The following PLD5 variants were observed in gnomAD, a reference collection of about 807,000 sequenced individuals.
PLD5 encodes the protein phospholipase D family member 5.
A neutral mutation model predicts 61.1 loss-of-function variants in PLD5; 36 were observed. The observed-to-expected ratio is 0.59, with a 90% CI of 0.45 to 0.78. The LOEUF (loss-of-function observed/expected upper bound fraction) is 0.78. Among genes scored for constraint, PLD5 ranks in the 30% least tolerant of loss-of-function variants. The pLI is 0.00. For missense variants in PLD5, 515 were observed against 644.4 expected (o/e 0.80, Z 2.17); for synonymous variants, 243 against 242.8 (o/e 1.00, Z -0.01).
At chr1:242,447,316 G>A (rs2810036) in intron 1 of PLD5, among the ~76,000 whole-genome samples, 40,668 of 152,174 alleles carry the variant, frequency 0.27, 6,240 homozygotes, top group Non-Finnish European at 0.34. Context: ...ATGAGGTCAA[G>A]GAGAGTGTTT....
intron 5 of PLD5, among the ~76,000 whole-genome samples, chr1:242,131,681 C>G (rs188774574): frequency 6.6e-6 from 1 of 152,286 alleles, no homozygotes; most frequent in Non-Finnish European, 1.5e-5. Context: ...AAGTGAAGCA[C>G]TGGCAAGACT....
At chr1:242,312,564 T>C (rs946150452) in intron 2 of PLD5, among the ~76,000 whole-genome samples, 1 of 152,200 alleles carries the variant, frequency 6.6e-6, no homozygotes, top group Admixed American at 6.5e-5. Context: ...CCTTGTGATT[T>C]TCACAAGCCA....
chr1:242,401,873 A>G (rs539283984), intron 1 of PLD5, among the ~76,000 whole-genome samples: 1 of 152,328 alleles, frequency 6.6e-6, no homozygotes, highest in African/African-American at 2.4e-5. Context: ...TGTCCTGTTC[A>G]TCTGTGCATT....
intron 7 of PLD5, among the ~76,000 whole-genome samples, chr1:242,111,227 T>C (rs1212227209): frequency 6.6e-6 from 1 of 152,118 alleles, no homozygotes; most frequent in Non-Finnish European, 1.5e-5. Context: ...CAGCTAATTT[T>C]TGTACTTTTA....
chr1:242,385,578 A>G (rs958624324), intron 1 of PLD5, among the ~76,000 whole-genome samples: 1 of 151,866 alleles, frequency 6.6e-6, no homozygotes, highest in African/African-American at 2.4e-5. Context: ...CCCTCTCTCA[A>G]ACTGTCTTTT....
chr1:242,257,755 G>A (rs1673160992), intron 4 of PLD5, among the ~76,000 whole-genome samples: 1 of 152,020 alleles, frequency 6.6e-6, no homozygotes, highest in African/African-American at 2.4e-5. Context: ...TTACTTTTCA[G>A]ATAAAATCAA....
chr1:242,470,996 A>G (rs1667433968), intron 1 of PLD5, among the ~76,000 whole-genome samples: 1 of 152,198 alleles, frequency 6.6e-6, no homozygotes, highest in Admixed American at 6.5e-5. Flanking sequence ...AACACTGTAG[A>G]TCCCCTTCCA....
chr1:242,253,565 G>A (rs1454477517), intron 4 of PLD5, among the ~76,000 whole-genome samples: 1 of 151,536 alleles, frequency 6.6e-6, no homozygotes, highest in African/African-American at 2.4e-5. Context: ...TGCCCGCCTC[G>A]GTCTCCCAAA....
Position 242,394,931 on chromosome 1 carries a change from TTATATGAATATATATGATTA to T in PLD5, c.190-46709_190-46690del, listed in dbSNP as rs1176496089. On this transcript the variant is annotated intron_variant, in intron 1 of 9. Coordinates refer to ENST00000536534, the MANE Select transcript of PLD5 (RefSeq NM_001372062.1). Reference sequence around the variant, plus strand: ...GAATATATATGTATATATGTATACATTATATGAATATATATGATTATATATGAATATATATGATTATATAT... The same window carrying T: ...GAATATATATGTATATATGTATACATTATATGAATATATATGATTATATAT... Among the ~76,000 whole-genome samples, 56 of 51,678 alleles carry T rather than the reference TTATATGAATATATATGATTA, an allele frequency of 1.1e-3. 4 individuals carry two copies. Among genetic ancestry groups the T allele is most frequent in the South Asian group, 5.5e-3 (7 of 1,284 alleles). The allele number at this position is 51,678 out of a possible 152,430, so 33.9% of individuals were successfully genotyped here. A position where few individuals can be genotyped will look rare whatever the true frequency, so the allele number is the denominator to read the frequency against.
chr1:242,472,950 T>C (rs76538040), intron 1 of PLD5, among the ~76,000 whole-genome samples: 6,578 of 152,200 alleles, frequency 0.043, 226 homozygotes, highest in Middle Eastern at 0.061. Flanking sequence ...AAGAGAATAT[T>C]TTATTTTATT....
At chr1:242,105,104 A>G (rs1660944145) in intron 8 of PLD5, among the ~76,000 whole-genome samples, 1 of 152,182 alleles carries the variant, frequency 6.6e-6, no homozygotes, top group South Asian at 2.1e-4. Flanking sequence ...GTGACAAACT[A>G]TTTGGTAAAA....
intron 2 of PLD5, among the ~76,000 whole-genome samples, chr1:242,314,376 T>C (rs6690843): frequency 0.31 from 46,592 of 152,070 alleles, 8,317 homozygotes; most frequent in African/African-American, 0.49. Context: ...ACCTCAGTGA[T>C]CCAACATCTT....
intron 4 of PLD5, among the ~76,000 whole-genome samples, chr1:242,251,499 C>T (rs1574612088): frequency 6.6e-6 from 1 of 152,158 alleles, no homozygotes; most frequent in African/African-American, 2.4e-5. Context: ...CCACCGAGTT[C>T]CATACCTGGA....
chr1:242,433,176 C>G (rs572189659), intron 1 of PLD5, among the ~76,000 whole-genome samples: 11 of 152,284 alleles, frequency 7.2e-5, no homozygotes, highest in Admixed American at 3.9e-4. Flanking sequence ...ATAAACATAG[C>G]TTATGTTCAA....
At chr1:242,275,057 A>G (rs1046599711) in intron 3 of PLD5, among the ~76,000 whole-genome samples, 6 of 151,714 alleles carry the variant, frequency 4.0e-5, no homozygotes, top group African/African-American at 1.2e-4. Flanking sequence ...TTACACACAT[A>G]TATATATGTG....
At chr1:242,433,456 A>G (rs1239725569) in intron 1 of PLD5, among the ~76,000 whole-genome samples, 1 of 152,222 alleles carries the variant, frequency 6.6e-6, no homozygotes, top group East Asian at 1.9e-4. Flanking sequence ...AAATACAGCA[A>G]TCTAAACATA....
At chr1:242,241,051 A>G (rs1476779086) in intron 4 of PLD5, among the ~76,000 whole-genome samples, 1 of 152,216 alleles carries the variant, frequency 6.6e-6, no homozygotes, top group African/African-American at 2.4e-5. Flanking sequence ...TGGCCTCATT[A>G]AAAAAGGAAA....
At position 242,488,046 on chromosome 1, in the gene PLD5, G is replaced by A. The variant is rs116440450; in HGVS notation, c.189+36042C>T. On this transcript the variant is annotated intron_variant, in intron 1 of 9. Coordinates refer to ENST00000536534, the MANE Select transcript of PLD5 (RefSeq NM_001372062.1). ...ACCACTACATACCTATTAGAAAGGCGGAGATCCAAAACACTGACAATATCA... is the reference window on the plus strand; with the variant it reads ...ACCACTACATACCTATTAGAAAGGCAGAGATCCAAAACACTGACAATATCA... 3.5e-3 allele frequency among the ~76,000 whole-genome samples: 536 copies of A among 152,154 alleles called. 3 individuals are homozygous for A. Among genetic ancestry groups the A allele is most frequent in the South Asian group, 8.3e-3 (40 of 4,824 alleles).
intron 1 of PLD5, among the ~76,000 whole-genome samples, chr1:242,505,747 G>T (rs1171518740): frequency 6.6e-6 from 1 of 152,186 alleles, no homozygotes; most frequent in Non-Finnish European, 1.5e-5. Context: ...GAGCTCAGAG[G>T]TGAGGGGCAT....
Sources: gnomAD v4.1 joint callset for allele counts (sites outside exome capture counted in the v4.1 genomes callset) on GRCh38, gnomAD v4.1.1 for gene constraint, MANE v1.5 for transcripts, NCBI Gene and HGNC (gene_info 2026-07-23, HGNC 2026-07-21) for gene names.